Variants in KPNA5 observed in about 807,000 individuals in gnomAD.
KPNA5 encodes the protein karyopherin subunit alpha 5.
Under a neutral mutation model 71.3 loss-of-function variants are expected in KPNA5, and 46 were observed. That is an observed-to-expected ratio of 0.65 (90% CI 0.51 to 0.83). The LOEUF (loss-of-function observed/expected upper bound fraction) is 0.83. Among genes scored for constraint, KPNA5 ranks in the 40% least tolerant of loss-of-function variants. KPNA5 has a pLI of 0.00. For missense variants in KPNA5, 547 were observed against 628.3 expected, an observed-to-expected ratio of 0.87 and a Z score of 1.38; for synonymous variants, 207 against 201.4, an observed-to-expected ratio of 1.03 and a Z score of -0.24.
At chr6:116,724,410 A>G (rs1482633169) in intron 10 of KPNA5, 35 bp downstream of exon 10, 1 of 1,448,792 alleles carries the variant, frequency 6.9e-7, no homozygotes, top group South Asian at 1.2e-5. Context: ...AATTGTTAAC[A>G]TAAAGGACTT....
At chr6:116,711,536 A>ATGTGTGTGTG (rs1491586756) in intron 7 of KPNA5, among the ~76,000 whole-genome samples, 17 of 105,952 alleles carry the variant, frequency 1.6e-4, no homozygotes, top group African/African-American at 7.0e-4. Flanking sequence ...TATTTTCTGC[A>ATGTGTGTGTG]TATGTGTGTG....
intron 2 of KPNA5, among the ~76,000 whole-genome samples, chr6:116,690,838 C>A (rs1777772617): frequency 1.3e-5 from 2 of 152,154 alleles, no homozygotes; most frequent in Admixed American, 6.5e-5. Context: ...TACCTGCACA[C>A]ATCCTCTTGT....
intron 11 of KPNA5, among the ~76,000 whole-genome samples, chr6:116,726,202 A>G (rs920728811): frequency 3.9e-5 from 6 of 152,090 alleles, no homozygotes; most frequent in African/African-American, 1.4e-4. Context: ...TTAGGGTTCT[A>G]TCAAGCTTCT....
intron 7 of KPNA5, among the ~76,000 whole-genome samples, chr6:116,710,731 G>T (rs1472590331): frequency 2.4e-4 from 36 of 150,938 alleles, no homozygotes; most frequent in Admixed American, 2.4e-3. Flanking sequence ...CAGTTTGGTA[G>T]TTTCTGTGTT....
chr6:116,728,947 T>C (rs9489028), intron 12 of KPNA5, among the ~76,000 whole-genome samples: 40,952 of 151,920 alleles, frequency 0.27, 6,344 homozygotes, highest in African/African-American at 0.43. Flanking sequence ...GAAAAGGACA[T>C]GCATTCAGAA....
In KPNA5 at chr6:116,725,808, G is replaced by T; in HGVS notation, c.1057G>T (p.Glu353Ter). 1 of 1,613,188 alleles carries T rather than the reference G, an allele frequency of 6.2e-7. No homozygotes were observed. Among genetic ancestry groups the T allele is most frequent in the Non-Finnish European group, 8.5e-7 (1 of 1,179,516 alleles). ...CTTACATTTATTGAGTAGCCCAAAG[G>T]AGTCAATTAGAAAAGAAGCCTGCTG... Reference protein sequence around the residue: ...CLLHLLSSPKESIRKEACWTV... With the variant: ...CLLHLLSSPK Residue 353 changes from glutamate to a stop codon, truncating the protein, a stop_gained, in exon 11 of 14, where the codon GAG (glutamate) becomes TAG (stop). Coordinates refer to ENST00000368564, the MANE Select transcript of KPNA5 (RefSeq NM_001366306.2). LOFTEE classifies it high-confidence loss of function.
chr6:116,726,432 T>G, intron 11 of KPNA5, 63 bp from the exon 12 acceptor site: 1 of 1,364,708 alleles, frequency 7.3e-7, no homozygotes, highest in Non-Finnish European at 9.8e-7. Context: ...TTTCAAGATT[T>G]TTTTTACTGG....
intron 10 of KPNA5, among the ~76,000 whole-genome samples, chr6:116,725,445 A>G (rs186076964): frequency 1.6e-4 from 24 of 152,234 alleles, no homozygotes; most frequent in Middle Eastern, 3.4e-3. Context: ...TTGGATCCTG[A>G]CCTCGGTCAC....
At chr6:116,681,642 T>C in intron 1 of KPNA5, 1 of 815,096 alleles carries the variant, frequency 1.2e-6, no homozygotes, top group African/African-American at 1.8e-5. Context: ...TCGGTAGTTC[T>C]TTTCAGTTAA....
In KPNA5 at chr6:116,733,553, C is replaced by T. The variant is rs1460434392; in HGVS notation, c.*1230C>T. On this transcript the variant is annotated 3_prime_UTR_variant, in exon 14 of 14. Transcript: ENST00000368564. ...ATTTAACAGCAAAAACCTCTTCAAA[C>T]GGAAAATTTGAAAGAAAGGTTTCAA... The T allele has an allele frequency of 6.6e-6, 1 of 151,086 alleles. No individual in the cohort carries two copies. Among genetic ancestry groups the T allele is most frequent in the Non-Finnish European group, 1.5e-5 (1 of 67,548 alleles). The allele number at this position is 151,086 out of a possible 1,614,324, so 9.4% of individuals were successfully genotyped here. A position where few individuals can be genotyped will look rare whatever the true frequency, so the allele number is the denominator to read the frequency against.
chr6:116,710,725 T>G (rs1165977126), intron 7 of KPNA5, among the ~76,000 whole-genome samples: 1 of 151,502 alleles, frequency 6.6e-6, no homozygotes, highest in Non-Finnish European at 1.5e-5. Flanking sequence ...TTAAGTCAGT[T>G]TGGTAGTTTC....
intron 1 of KPNA5, among the ~76,000 whole-genome samples, chr6:116,683,030 A>G (rs980922716): frequency 3.9e-5 from 6 of 152,236 alleles, no homozygotes; most frequent in African/African-American, 1.4e-4. Context: ...TTTGGCTAAA[A>G]TTTATGCTGA....
rs140995524 is a variant in KPNA5, at chr6:116,696,491, G to T, written c.341-2213G>T. On this transcript the variant is annotated intron_variant, in intron 4 of 13. Coordinates refer to ENST00000368564, the MANE Select transcript of KPNA5 (RefSeq NM_001366306.2). ...AAGATATGAATATGCCCTGGGTACT[G>T]CACAGCCTATCTTAGCTCCAGCTTT... Among the ~76,000 whole-genome samples the T allele has an allele frequency of 7.4e-3, 1,125 of 152,244 alleles. 18 individuals carry two copies. The highest frequency in any genetic ancestry group is 0.024 in the African/African-American group (997 of 41,562).
Position 116,705,250 on chromosome 6 carries a change from T to C in KPNA5, c.656+90T>C, listed in dbSNP as rs76074983. 1,393 of 997,836 alleles carry C rather than the reference T, an allele frequency of 1.4e-3. 12 individuals are homozygous for C. The African/African-American group carries it at 0.021, about 15-fold the overall frequency. 61.8% of individuals were successfully genotyped at this position (997,836 alleles called of 1,614,324 possible). A position where few individuals can be genotyped will look rare whatever the true frequency, so the allele number is the denominator to read the frequency against. Reference sequence around the variant, plus strand: ...TAATTAAGTTCTTCAGTCATACTTGTAAATTTGTCTTATGGTTATCAAGCC... The same window carrying C: ...TAATTAAGTTCTTCAGTCATACTTGCAAATTTGTCTTATGGTTATCAAGCC... On this transcript the variant is annotated intron_variant, in intron 7 of 13. Transcript: ENST00000368564.
chr6:116,706,873 G>C, intron 7 of KPNA5, among the ~76,000 whole-genome samples: 1 of 151,080 alleles, frequency 6.6e-6, no homozygotes, highest in Non-Finnish European at 1.5e-5. Flanking sequence ...CTTAAAAAAT[G>C]ATTATGCAGG....
At chr6:116,701,316 G>A (rs1448632915) in intron 5 of KPNA5, among the ~76,000 whole-genome samples, 1 of 152,042 alleles carries the variant, frequency 6.6e-6, no homozygotes, top group Admixed American at 6.6e-5. Flanking sequence ...GTTTGCCTGT[G>A]GATTTGTAGG....
intron 1 of KPNA5, among the ~76,000 whole-genome samples, chr6:116,684,121 C>T (rs1333961818): frequency 2.0e-5 from 3 of 151,698 alleles, no homozygotes; most frequent in East Asian, 1.9e-4. Context: ...CTATATTGGC[C>T]AGGCCGGTCT....
At position 116,734,716 on chromosome 6, in the gene KPNA5, G is replaced by GAAAA. The variant is rs1212748895; in HGVS notation, c.*2405_*2408dup. 2.2e-5 allele frequency: 2 copies of GAAAA among 91,208 alleles called. No homozygotes were observed. The highest frequency in any genetic ancestry group is 3.9e-5 in the African/African-American group (1 of 25,930). The allele number at this position is 91,208 out of a possible 1,614,324, so 5.6% of individuals were successfully genotyped here. ...TTTCATCAGGCAGAGCCCTGACCAG[G>GAAAA]AAAAAAAAAAAAAAAGAAAGAAAGA... On this transcript the variant is annotated 3_prime_UTR_variant, in exon 14 of 14. Transcript: ENST00000368564.
chr6:116,729,688 A>G lies in KPNA5; in HGVS notation c.1379A>G (p.Lys460Arg). 1.9e-6 allele frequency: 3 copies of G among 1,610,152 alleles called. No homozygotes were observed. Among genetic ancestry groups the G allele is most frequent in the Non-Finnish European group, 1.7e-6 (2 of 1,178,014 alleles). Residue 460 changes from lysine (K) to arginine (R), a missense_variant, in exon 13 of 14, where the codon AAG becomes AGG. Coordinates refer to ENST00000368564, the MANE Select transcript of KPNA5 (RefSeq NM_001366306.2). ...TTACGTCTTGGAGAACAAGAATCTA[A>G]GCAGAATGGAATAGGCATTAATCCA... ...NILRLGEQESKQNGIGINPYC... is the reference protein window; with the variant it reads ...NILRLGEQESRQNGIGINPYC...
Sources: allele counts gnomAD v4.1 joint callset (sites outside exome capture counted in the v4.1 genomes callset), GRCh38; gene constraint gnomAD v4.1.1; transcripts MANE v1.5; gene names NCBI Gene and HGNC (gene_info 2026-07-23, HGNC 2026-07-21).